CSMD1: variants seen among roughly 807,000 people sequenced by gnomAD.
CSMD1 encodes the protein CUB and Sushi multiple domains 1, also known as CUB and sushi domain-containing protein 1.
CSMD1 carries 213 observed loss-of-function variants against 417.5 expected under a neutral mutation model. The observed-to-expected ratio is 0.51, with a 90% CI of 0.46 to 0.57. CSMD1 has a LOEUF of 0.57. CSMD1 is among the 20% of genes least tolerant of loss of function. The probability of loss-of-function intolerance (pLI) is 0.00; values close to 1 mark genes in which losing one functional copy is unlikely to be tolerated. For synonymous variants in CSMD1, 2,862 were observed against 1,736.8 expected (o/e 1.65, Z -16.11); for missense variants, 6,923 against 4,529.7 (o/e 1.53, Z -15.17).
chr8:4,728,812 A>C (rs1809644873), intron 1 of CSMD1, among the ~76,000 whole-genome samples: 1 of 152,164 alleles, frequency 6.6e-6, no homozygotes. Context: ...AAACTCCTTT[A>C]GTTCAAAACA....
At chr8:3,882,355 T>C in intron 5 of CSMD1, among the ~76,000 whole-genome samples, 1 of 152,218 alleles carries the variant, frequency 6.6e-6, no homozygotes, top group Non-Finnish European at 1.5e-5. Context: ...GATGACAGAA[T>C]ACTGCATCCC....
intron 1 of CSMD1, among the ~76,000 whole-genome samples, chr8:4,740,733 A>G (rs978922604): frequency 2.0e-5 from 3 of 152,164 alleles, no homozygotes; most frequent in Non-Finnish European, 4.4e-5. Flanking sequence ...AGCATGGGCA[A>G]TAGAGCAAGA....
chr8:3,782,433 G>T (rs996904239), intron 5 of CSMD1, among the ~76,000 whole-genome samples: 3 of 152,136 alleles, frequency 2.0e-5, no homozygotes. Context: ...CAACAACCCT[G>T]AATTCAGGAC....
intron 3 of CSMD1, among the ~76,000 whole-genome samples, chr8:4,193,029 A>G (rs377094698): frequency 6.6e-6 from 1 of 152,218 alleles, no homozygotes; most frequent in South Asian, 2.1e-4. Flanking sequence ...TGATCTTGGA[A>G]TATCTTAAGT....
chr8:4,434,530 CT>C (rs1798043592), intron 2 of CSMD1, among the ~76,000 whole-genome samples: 1 of 152,162 alleles, frequency 6.6e-6, no homozygotes. Flanking sequence ...TGATGAAGCA[CT>C]TAAGAGCAGC....
At chr8:3,924,839 T>C (rs1169866185) in intron 5 of CSMD1, among the ~76,000 whole-genome samples, 1 of 152,200 alleles carries the variant, frequency 6.6e-6, no homozygotes, top group African/African-American at 2.4e-5. Context: ...TTTAATTTTT[T>C]TGTCAGGCGG....
chr8:3,556,406 T>C (rs545555289), intron 10 of CSMD1, among the ~76,000 whole-genome samples: 1 of 140,176 alleles, frequency 7.1e-6, no homozygotes, highest in South Asian at 2.2e-4. Flanking sequence ...TATATATATA[T>C]ATATATATTC....
chr8:4,300,960 G>C (rs932860755), intron 3 of CSMD1, among the ~76,000 whole-genome samples: 4 of 152,126 alleles, frequency 2.6e-5, no homozygotes, highest in Non-Finnish European at 4.4e-5. Flanking sequence ...TTGGTTCCAA[G>C]TCTTTACTAT....
chr8:4,722,149 A>G (rs75519773), intron 1 of CSMD1, among the ~76,000 whole-genome samples: 6,064 of 152,168 alleles, frequency 0.04, 129 homozygotes, highest in East Asian at 0.084. Context: ...TTACTAAGAG[A>G]GAAGATGTAA....
Position 3,230,030 on chromosome 8 carries a change from T to G in CSMD1, c.4345+10A>C. The G allele has an allele frequency of 6.5e-7, 1 of 1,532,250 alleles. No homozygotes were observed. The highest frequency in any genetic ancestry group is 8.8e-7 in the Non-Finnish European group (1 of 1,135,904). The allele number at this position is 1,532,250 out of a possible 1,614,324, so 94.9% of individuals were successfully genotyped here. ...TGAATATAAAATTTCTAAGTTCTGT[T>G]GTCTGATACCTATGCATGTAGGAGG... On this transcript the variant is annotated intron_variant, in intron 27 of 69. Transcript: ENST00000635120.
chr8:3,984,157 G>A (rs531438406), intron 5 of CSMD1, among the ~76,000 whole-genome samples: 4 of 152,164 alleles, frequency 2.6e-5, no homozygotes, highest in Admixed American at 6.5e-5. Context: ...CAGCTCTAGA[G>A]CACATCGCAG....
chr8:3,191,368 A>G (rs146996340), intron 33 of CSMD1, among the ~76,000 whole-genome samples: 1 of 152,320 alleles, frequency 6.6e-6, no homozygotes, highest in African/African-American at 2.4e-5. Context: ...AGGCAGGATA[A>G]TCGCTTCACC....
chr8:4,983,773 C>G (rs1811023261), intron 1 of CSMD1, among the ~76,000 whole-genome samples: 2 of 151,916 alleles, frequency 1.3e-5, no homozygotes, highest in African/African-American at 4.8e-5. Context: ...TACATCATGA[C>G]TAATAATTTT....
At chr8:4,815,578 C>A (rs1202409686) in intron 1 of CSMD1, among the ~76,000 whole-genome samples, 2 of 151,464 alleles carry the variant, frequency 1.3e-5, no homozygotes, top group East Asian at 3.9e-4. Flanking sequence ...TGCCTGTAAT[C>A]CCAGCTATTT....
chr8:3,860,300 A>C (rs1236641340), intron 5 of CSMD1, among the ~76,000 whole-genome samples: 1 of 152,154 alleles, frequency 6.6e-6, no homozygotes, highest in Non-Finnish European at 1.5e-5. Context: ...AACGTCCATA[A>C]AAACAAAGAT....
chr8:4,945,089 T>C (rs1297202013), intron 1 of CSMD1, among the ~76,000 whole-genome samples: 5 of 152,212 alleles, frequency 3.3e-5, no homozygotes, highest in African/African-American at 2.4e-5. Flanking sequence ...AATCCTGACA[T>C]AGGCTACAAC....
At chr8:4,262,336 T>C (rs976612395) in intron 3 of CSMD1, among the ~76,000 whole-genome samples, 1 of 152,166 alleles carries the variant, frequency 6.6e-6, no homozygotes, top group African/African-American at 2.4e-5. Flanking sequence ...CTTTTTTTCA[T>C]TTCTGCAATC....
chr8:4,541,129 T>G (rs1797364950), intron 2 of CSMD1, among the ~76,000 whole-genome samples: 2 of 152,182 alleles, frequency 1.3e-5, no homozygotes, highest in Non-Finnish European at 2.9e-5. Flanking sequence ...AGAACTGATT[T>G]TTTTACCACC....
At chr8:3,430,812 C>T (rs529598495) in intron 12 of CSMD1, among the ~76,000 whole-genome samples, 1 of 152,010 alleles carries the variant, frequency 6.6e-6, no homozygotes, top group African/African-American at 2.4e-5. Flanking sequence ...ATTTCAACAA[C>T]AACAACAAAA....
Sources: allele counts gnomAD v4.1 joint callset (sites outside exome capture counted in the v4.1 genomes callset), GRCh38; gene constraint gnomAD v4.1.1; transcripts MANE v1.5; gene names NCBI Gene and HGNC (gene_info 2026-07-23, HGNC 2026-07-21).